The following SLCO4A1 variants were observed in gnomAD, a reference collection of about 807,000 sequenced individuals.
SLCO4A1 encodes colon organic anion transporter.
Under a neutral mutation model 64.6 loss-of-function variants are expected in SLCO4A1, and 51 were observed. That is an observed-to-expected ratio of 0.79 (90% CI 0.63 to 1.00). The LOEUF is 1.00. Ranked by LOEUF, SLCO4A1 falls within the 50% of genes least tolerant of loss-of-function variation. The probability of loss-of-function intolerance (pLI) is 0.00; values close to 1 mark genes in which losing one functional copy is unlikely to be tolerated. For missense variants in SLCO4A1, 919 were observed against 980.5 expected, an observed-to-expected ratio of 0.94 and a Z score of 0.84; for synonymous variants, 471 against 444.9, an observed-to-expected ratio of 1.06 and a Z score of -0.74.
At chr20:62,658,554 G>A (rs1984177031) in intron 2 of SLCO4A1, 123 bp from the exon 3 acceptor site, 1 of 712,436 alleles carries the variant, frequency 1.4e-6, no homozygotes, top group East Asian at 2.7e-5. Context: ...AGGCCCATGA[G>A]GGGAGTGGGC....
Position 62,668,939 on chromosome 20 carries a change from C to G in SLCO4A1, c.1886C>G (p.Pro629Arg), listed in dbSNP as rs764439123. 6.2e-7 allele frequency: 1 copy of G among 1,604,092 alleles called. No homozygotes were observed. Among genetic ancestry groups the G allele is most frequent in the South Asian group, 1.1e-5 (1 of 91,038 alleles). Residue 629 changes from proline (P) to arginine (R), a missense_variant, in exon 11 of 12, where the codon CCG (proline) becomes CGG (arginine). Pro to Arg is a moderately radical substitution (Grantham distance 103, BLOSUM62 -2). Transcript: ENST00000217159. ...WIVVRILGGI[P>R]GPIAFGWVID... The stretch of plus-strand genomic sequence containing the variant: ...GGGCTTCTCTCCGCAGGGGGCATCC[C>G]GGGGCCCATCGCCTTCGGCTGGGTG...
chr20:62,668,928 A>G lies in SLCO4A1; in HGVS notation c.1877-2A>G. On this transcript the variant is annotated splice_acceptor_variant, in intron 10 of 11. Transcript: ENST00000217159. LOFTEE classifies it high-confidence loss of function. Reference sequence around the variant, plus strand: ...GGGTGCTGAGTGGGCTTCTCTCCGCAGGGGGCATCCCGGGGCCCATCGCCT... The same window carrying G: ...GGGTGCTGAGTGGGCTTCTCTCCGCGGGGGGCATCCCGGGGCCCATCGCCT... 1 of 1,602,206 alleles carries G rather than the reference A, an allele frequency of 6.2e-7. No homozygotes were observed. Among genetic ancestry groups the G allele is most frequent in the Non-Finnish European group, 8.5e-7 (1 of 1,179,606 alleles).
chr20:62,674,272 C>T (rs773306129), downstream of SLCO4A1, among the ~76,000 whole-genome samples: 2 of 152,172 alleles, frequency 1.3e-5, no homozygotes, highest in Non-Finnish European at 2.9e-5. Flanking sequence ...AGGCGTGTGG[C>T]ACTGAGCATC....
intron 4 of SLCO4A1, among the ~76,000 whole-genome samples, chr20:62,660,860 A>G (rs1569134770): frequency 6.7e-6 from 1 of 149,420 alleles, no homozygotes; most frequent in East Asian, 2.0e-4. Context: ...GCTCTCCCAC[A>G]CCTCCAAACC....
downstream of SLCO4A1, among the ~76,000 whole-genome samples, chr20:62,674,785 C>T (rs1273104277): frequency 1.3e-5 from 2 of 152,160 alleles, no homozygotes; most frequent in Admixed American, 6.5e-5. Flanking sequence ...CGATGGGATT[C>T]GTAGCCCTGT....
At chr20:62,678,188 C>T (rs2185089) in intron 2 of SLCO4A1, among the ~76,000 whole-genome samples, 59,181 of 152,090 alleles carry the variant, frequency 0.39, 11,760 homozygotes, top group African/African-American at 0.42. Context: ...CAGGCAGAAA[C>T]GCCAGCAGGC....
In SLCO4A1 at chr20:62,661,039, C is replaced by CCCCCCCCCCCCCCCCCCAA; in HGVS notation, c.1010-23_1010-22insCCCCCCCCCCCCCCCAACC. The CCCCCCCCCCCCCCCCCCAA allele has an allele frequency of 1.5e-6, 2 of 1,364,036 alleles. No homozygotes were observed. Among genetic ancestry groups the CCCCCCCCCCCCCCCCCCAA allele is most frequent in the Non-Finnish European group, 2.1e-6 (2 of 955,432 alleles). 84.5% of individuals were successfully genotyped at this position (1,364,036 alleles called of 1,614,324 possible). A position where few individuals can be genotyped will look rare whatever the true frequency, so the allele number is the denominator to read the frequency against. ...CCTCCGGGAGCCCCCAGCCCCCAGC[C>CCCCCCCCCCCCCCCCCCAA]CCAGCTCACTCTGTGCCCTTCCAGG... On this transcript the variant is annotated intron_variant, in intron 4 of 11. Transcript: ENST00000217159. The surrounding 1 kb of genome is among the most constrained non-coding windows in gnomAD (Gnocchi z 5.2).
downstream of SLCO4A1, among the ~76,000 whole-genome samples, chr20:62,676,045 C>T (rs926429765): frequency 7.2e-5 from 11 of 152,178 alleles, no homozygotes; most frequent in East Asian, 7.7e-4. Flanking sequence ...AAGAGTCAGA[C>T]GCCAGGAGCA....
chr20:62,675,352 C>G (rs544554175), downstream of SLCO4A1, among the ~76,000 whole-genome samples: 1 of 151,986 alleles, frequency 6.6e-6, no homozygotes, highest in Admixed American at 6.5e-5. Context: ...GTGGGCAGCC[C>G]GGGCTGCCGG....
chr20:62,672,920 C>T (rs1014019870), downstream of SLCO4A1, among the ~76,000 whole-genome samples: 4 of 102,912 alleles, frequency 3.9e-5, no homozygotes, highest in Admixed American at 1.9e-4. Context: ...CCGGGTGGTC[C>T]CCAGCACTGA....
intron 3 of SLCO4A1, among the ~76,000 whole-genome samples, chr20:62,659,664 C>T (rs568896012): frequency 3.3e-5 from 5 of 152,220 alleles, no homozygotes; most frequent in African/African-American, 7.2e-5. Context: ...CCCCCGGAGG[C>T]GGCCGCAGCA....
At chr20:62,648,079 G>A in intron 1 of SLCO4A1, among the ~76,000 whole-genome samples, 1 of 152,236 alleles carries the variant, frequency 6.6e-6, no homozygotes, top group East Asian at 1.9e-4. Flanking sequence ...CCAGCCGGAG[G>A]CTCCAGGGAC....
Position 62,656,512 on chromosome 20 carries a change from A to G in SLCO4A1, c.58A>G (p.Met20Val). The change falls in exon 2 of 12, where the codon ATG becomes GTG. Residue 20 changes from methionine to valine, a missense_variant. Physicochemically the swap from Met to Val is conservative, Grantham distance 21. Transcript: ENST00000217159. ...PLTFPSPNSA[M>V]ENGLDHTPPS... ...CACCTTCCCCAGCCCCAACTCAGCC[A>G]TGGAAAACGGGCTTGACCACACCCC... 8 of 1,559,668 alleles carry G rather than the reference A, an allele frequency of 5.1e-6. No homozygotes were observed. Among genetic ancestry groups the G allele is most frequent in the South Asian group, 1.2e-5 (1 of 86,750 alleles).
chr20:62,657,062 C>T lies in SLCO4A1; in HGVS notation c.608C>T (p.Ala203Val), dbSNP rs373700521. 1.3e-4 allele frequency: 210 copies of T among 1,598,634 alleles called. 4 individuals are homozygous for T. The South Asian group carries it at 1.5e-3, about 11-fold the overall frequency. Residue 203 changes from alanine to valine, a missense_variant, in exon 2 of 12, where the codon GCG becomes GTG. Transcript: ENST00000217159. ...TAGRYEVELD[A>V]GVRTCPANPG... The stretch of plus-strand genomic sequence containing the variant: ...GGCCGCTATGAGGTGGAGTTGGACG[C>T]GGGTGTCAGGACGTGCCCTGCCAAC...
intron 1 of SLCO4A1, chr20:62,650,910 T>A (rs1039757603): frequency 6.6e-6 from 1 of 152,322 alleles, no homozygotes; most frequent in African/African-American, 2.4e-5. Context: ...GGCACCCACT[T>A]CTCCAGGCAG....
intron 2 of SLCO4A1, among the ~76,000 whole-genome samples, chr20:62,683,044 C>T (rs1987907711): frequency 1.3e-5 from 2 of 152,220 alleles, no homozygotes; most frequent in Non-Finnish European, 2.9e-5. Context: ...TCAGTGTCAG[C>T]TCTTTGGGGA....
downstream of SLCO4A1, among the ~76,000 whole-genome samples, chr20:62,674,903 G>T (rs144420635): frequency 1.3e-5 from 2 of 152,224 alleles, no homozygotes; most frequent in African/African-American, 4.8e-5. Flanking sequence ...AGCCTTGCTC[G>T]TGGGCTTCGG....
downstream of SLCO4A1, among the ~76,000 whole-genome samples, chr20:62,690,114 C>T (rs1180220568): frequency 2.6e-5 from 4 of 152,194 alleles, no homozygotes; most frequent in African/African-American, 7.2e-5. Flanking sequence ...CATGGTGCCT[C>T]GGGTGCCCGC....
rs551513932 is a variant in SLCO4A1 at position 62,661,982 on chromosome 20, G to A, written c.1121+807G>A. ...GGTGGCCACCACCCAAGTCCTCAGC[G>A]TCTGAGGCCCCAGCACGGGGAGACT... On this transcript the variant is annotated intron_variant, in intron 5 of 11. Transcript: ENST00000217159. The surrounding 1 kb of genome is among the most constrained non-coding windows in gnomAD (Gnocchi z 5.2). Among the ~76,000 whole-genome samples the A allele has an allele frequency of 2.2e-4, 33 of 152,104 alleles. No individual in the cohort carries two copies. Among genetic ancestry groups the A allele is most frequent in the Admixed American group, 9.8e-4 (15 of 15,286 alleles).
Sources: allele counts gnomAD v4.1 joint callset (sites outside exome capture counted in the v4.1 genomes callset), GRCh38; gene constraint gnomAD v4.1.1; non-coding constraint Gnocchi (gnomAD v3.1); transcripts MANE v1.5; gene names NCBI Gene and HGNC (gene_info 2026-07-23, HGNC 2026-07-21).